Variants in SERGEF observed in about 807,000 individuals in gnomAD.
The protein encoded by SERGEF is secretion regulating guanine nucleotide exchange factor.
A neutral mutation model predicts 50.0 loss-of-function variants in SERGEF; 51 were observed. That is an observed-to-expected ratio of 1.02 (90% CI 0.81 to 1.29). The LOEUF is 1.29. SERGEF is among the 50% of genes most tolerant of loss of function. The pLI is 0.00. For synonymous variants in SERGEF, 205 were observed against 212.4 expected (o/e 0.97, Z 0.30); for missense variants, 521 against 557.0 (o/e 0.94, Z 0.65).
At chr11:17,910,599 C>A (rs139531855) in intron 9 of SERGEF, among the ~76,000 whole-genome samples, 2 of 152,250 alleles carry the variant, frequency 1.3e-5, no homozygotes, top group Non-Finnish European at 2.9e-5. Flanking sequence ...AATTTGTCGT[C>A]TGAAGTCTCC....
At chr11:17,925,367 G>A (rs1852231924) in intron 9 of SERGEF, among the ~76,000 whole-genome samples, 1 of 151,868 alleles carries the variant, frequency 6.6e-6, no homozygotes. Context: ...CATGGCAGAA[G>A]AAATACGCTA....
At chr11:17,793,616 C>G (rs1046819781) in intron 10 of SERGEF, among the ~76,000 whole-genome samples, 2 of 152,232 alleles carry the variant, frequency 1.3e-5, no homozygotes, top group African/African-American at 4.8e-5. Context: ...GTTTTCAAAA[C>G]AGGTAAGTTA....
In SERGEF at chr11:17,788,228, G is replaced by A. The variant is rs1400495486; in HGVS notation, c.1234C>T (p.Pro412Ser). Residue 412 changes from proline (P) to serine (S), a missense_variant, in exon 11 of 11, where the codon CCC (proline) becomes TCC (serine). Transcript: ENST00000265965. ...LPAHPALVQDPKVTYLSPDAI... is the reference protein window; with the variant it reads ...LPAHPALVQDSKVTYLSPDAI... ...TCTGGGGAAAGGTAGGTGACCTTGG[G>A]GTCCTGGACCAATGCAGGGTGAGCT... 1.9e-6 allele frequency: 3 copies of A among 1,612,870 alleles called. No homozygotes were observed. Among genetic ancestry groups the A allele is most frequent in the African/African-American group, 2.7e-5 (2 of 74,864 alleles).
At chr11:17,958,015 A>C (rs1183508569) in intron 9 of SERGEF, among the ~76,000 whole-genome samples, 1 of 152,230 alleles carries the variant, frequency 6.6e-6, no homozygotes, top group South Asian at 2.1e-4. Context: ...ATCTTCCATA[A>C]TATTAAGTAG....
At chr11:17,922,321 T>A (rs1231297372) in intron 9 of SERGEF, among the ~76,000 whole-genome samples, 1 of 152,162 alleles carries the variant, frequency 6.6e-6, no homozygotes, top group African/African-American at 2.4e-5. Flanking sequence ...CAGGCCAGCC[T>A]ATATTGTTTT....
At chr11:17,974,589 A>G (rs1853327581) in intron 8 of SERGEF, among the ~76,000 whole-genome samples, 1 of 152,134 alleles carries the variant, frequency 6.6e-6, no homozygotes. Context: ...TCTCTCATAA[A>G]AGGGCTCATG....
At chr11:17,793,556 G>C (rs767076275) in intron 10 of SERGEF, among the ~76,000 whole-genome samples, 17 of 152,210 alleles carry the variant, frequency 1.1e-4, no homozygotes, top group Non-Finnish European at 1.8e-4. Context: ...AGGAAGGAGA[G>C]TGGCCTACAG....
chr11:17,952,350 G>T (rs1852788470), intron 9 of SERGEF, among the ~76,000 whole-genome samples: 1 of 152,164 alleles, frequency 6.6e-6, no homozygotes, highest in South Asian at 2.1e-4. Flanking sequence ...TTCAATGAAA[G>T]CACTCTCTTC....
Position 17,888,625 on chromosome 11 carries a change from T to A in SERGEF, c.1012-10381A>T, listed in dbSNP as rs1370863249. ...TAGAGTTATCAGTATGAACTCACAG[T>A]TTTACACACACACACACACACACAC... On this transcript the variant is annotated intron_variant, in intron 9 of 10. Coordinates refer to ENST00000265965, the MANE Select transcript of SERGEF (RefSeq NM_012139.4). The surrounding 1 kb of genome is among the most constrained non-coding windows in gnomAD (Gnocchi z 4.1). Among the ~76,000 whole-genome samples, 1 of 140,200 alleles carries A rather than the reference T, an allele frequency of 7.1e-6. No individual in the cohort carries two copies. Among genetic ancestry groups the A allele is most frequent in the African/African-American group, 2.7e-5 (1 of 37,286 alleles). 92.0% of individuals were successfully genotyped at this position (140,200 alleles called of 152,430 possible).
intron 9 of SERGEF, among the ~76,000 whole-genome samples, chr11:17,957,195 T>C (rs1256693101): frequency 6.6e-6 from 1 of 152,198 alleles, no homozygotes; most frequent in Non-Finnish European, 1.5e-5. Context: ...TTCACATCAA[T>C]GTCAGGCTCT....
At chr11:17,947,287 G>A (rs1379735048) in intron 9 of SERGEF, among the ~76,000 whole-genome samples, 2 of 152,166 alleles carry the variant, frequency 1.3e-5, no homozygotes, top group African/African-American at 2.4e-5. Flanking sequence ...CACTGGGCAA[G>A]CTCTAATCTG....
chr11:17,953,815 G>GT (rs1225242685), intron 9 of SERGEF, among the ~76,000 whole-genome samples: 1 of 152,226 alleles, frequency 6.6e-6, no homozygotes, highest in African/African-American at 2.4e-5. Context: ...GTGGGTGGTA[G>GT]TAAGTGCTTG....
intron 6 of SERGEF, among the ~76,000 whole-genome samples, chr11:17,994,930 A>G (rs1315543621): frequency 1.3e-5 from 2 of 152,112 alleles, no homozygotes; most frequent in Non-Finnish European, 2.9e-5. Context: ...TCCAGGCAAC[A>G]GAAGAAGTAG....
chr11:18,012,511 A>T (rs1854217579), intron 1 of SERGEF: 1 of 1,114,728 alleles, frequency 9.0e-7, no homozygotes, highest in South Asian at 2.0e-5. Context: ...CATCTAAAGG[A>T]TGCTTTCGCC....
intron 4 of SERGEF, among the ~76,000 whole-genome samples, chr11:18,001,156 A>G (rs895372167): frequency 6.6e-6 from 1 of 152,204 alleles, no homozygotes. Flanking sequence ...AACCAAACCT[A>G]TCTGCCTGCA....
chr11:18,004,521 GA>G lies in SERGEF; in HGVS notation c.366del (p.Leu123TyrfsTer11). 6.2e-7 allele frequency: 1 copy of G among 1,612,572 alleles called. No homozygotes were observed. Among genetic ancestry groups the G allele is most frequent in the Non-Finnish European group, 8.5e-7 (1 of 1,179,066 alleles). The part of the protein sequence containing the change: ...FTIMLTENGQ[V>X]LSCGSNSFGQ... ...CCAAAGGAGTTGGATCCACATGATA[GA>G]ACTTGACCATTTTCTGCAAAATACA... On this transcript the variant is annotated frameshift_variant, in exon 4 of 11. Transcript: ENST00000265965. LOFTEE classifies it high-confidence loss of function.
At chr11:17,962,775 G>A (rs1199854831) in intron 8 of SERGEF, among the ~76,000 whole-genome samples, 1 of 152,176 alleles carries the variant, frequency 6.6e-6, no homozygotes, top group Non-Finnish European at 1.5e-5. Context: ...AATTGTCCTG[G>A]CAGGCTTGAG....
At chr11:17,871,799 C>T (rs1033144185) in intron 10 of SERGEF, among the ~76,000 whole-genome samples, 21 of 152,094 alleles carry the variant, frequency 1.4e-4, no homozygotes, top group African/African-American at 5.1e-4. Flanking sequence ...AAATATCTGG[C>T]GAGAGTATAG....
intron 5 of SERGEF, among the ~76,000 whole-genome samples, chr11:17,998,426 T>G (rs951914749): frequency 9.9e-5 from 1 of 10,086 alleles, no homozygotes; most frequent in Admixed American, 1.4e-3. Flanking sequence ...TAAAAATACA[T>G]ACATACATAC....
Sources: gnomAD v4.1 joint callset for allele counts (sites outside exome capture counted in the v4.1 genomes callset) on GRCh38, gnomAD v4.1.1 for gene constraint, Gnocchi (gnomAD v3.1) non-coding constraint, MANE v1.5 for transcripts, NCBI Gene and HGNC (gene_info 2026-07-23, HGNC 2026-07-21) for gene names.